The following CNKSR2 variants were observed in gnomAD, a reference collection of about 807,000 sequenced individuals.
The protein encoded by CNKSR2 is CNK homolog protein 2.
CNKSR2 carries 14 observed loss-of-function variants against 84.4 expected under a neutral mutation model. The ratio of observed to expected loss-of-function variants is 0.17; its 90% CI spans 0.11 to 0.26. The LOEUF (loss-of-function observed/expected upper bound fraction) is 0.26. Among genes scored for constraint, CNKSR2 ranks in the 10% least tolerant of loss-of-function variants. The pLI, the probability that CNKSR2 is intolerant of heterozygous loss-of-function variation, is 1.00. For synonymous variants in CNKSR2, 275 were observed against 277.9 expected (o/e 0.99, Z 0.10); for missense variants, 485 against 771.2 (o/e 0.63, Z 4.40).
intron 4 of CNKSR2, among the ~76,000 whole-genome samples, chrX:21,460,934 T>C (rs2091053052): frequency 1.8e-5 from 2 of 112,718 alleles, no homozygotes; most frequent in Admixed American, 9.4e-5. Flanking sequence ...TCCATTTATC[T>C]GTTGGTAGAC....
chrX:21,512,390 G>C (rs2091681835), intron 8 of CNKSR2, among the ~76,000 whole-genome samples: 1 of 111,827 alleles, frequency 8.9e-6, no homozygotes, highest in Non-Finnish European at 1.9e-5. Context: ...ACATGCTAAA[G>C]TTTGAGAACC....
chrX:21,380,693 C>T lies in CNKSR2; in HGVS notation c.64+5732C>T, dbSNP rs186448345. ...GAACTCCTGACCTCAAGTGATCCAC[C>T]TGCCTCGGCCTCCTAAAGTGTTGGG... On this transcript the variant is annotated intron_variant, in intron 1 of 21. Transcript: ENST00000379510. 1.3e-4 allele frequency among the ~76,000 whole-genome samples: 14 copies of T among 111,319 alleles called. No homozygotes were observed. In the East Asian group the frequency reaches 3.9e-3, roughly 31 times the overall value.
chrX:21,524,548 G>T (rs775112824), intron 9 of CNKSR2, among the ~76,000 whole-genome samples: 1 of 110,918 alleles, frequency 9.0e-6, no homozygotes, highest in Non-Finnish European at 1.9e-5. Flanking sequence ...AGTACCCTAG[G>T]TAGACAATTC....
At chrX:21,428,504 T>C (rs933802483) in intron 2 of CNKSR2, 2 of 111,967 alleles carry the variant, frequency 1.8e-5, no homozygotes, top group Non-Finnish European at 3.8e-5. Flanking sequence ...GTTTGCATCA[T>C]GTTATTCTAG....
chrX:21,508,161 C>G (rs911326335), intron 8 of CNKSR2, among the ~76,000 whole-genome samples: 3 of 111,522 alleles, frequency 2.7e-5, no homozygotes, highest in Non-Finnish European at 5.7e-5. Context: ...GACCACGTCT[C>G]TACAGAAAAT....
At chrX:21,491,281 G>C (rs1299730922) in intron 6 of CNKSR2, 1 of 111,683 alleles carries the variant, frequency 9.0e-6, no homozygotes, top group East Asian at 2.8e-4. Flanking sequence ...ACTGGCTAGA[G>C]AATATCTTAA....
intron 11 of CNKSR2, among the ~76,000 whole-genome samples, chrX:21,556,441 A>T (rs2092140725): frequency 9.0e-6 from 1 of 111,463 alleles, no homozygotes; most frequent in South Asian, 3.8e-4. Context: ...CTGACCTAGA[A>T]TGAGAGGCCA....
intron 17 of CNKSR2, among the ~76,000 whole-genome samples, chrX:21,597,836 A>G (rs984105835): frequency 1.8e-5 from 2 of 109,808 alleles, no homozygotes; most frequent in African/African-American, 6.6e-5. Context: ...TGATTATTTC[A>G]TAATTTTTTA....
chrX:21,625,839 A>G (rs1465838712), intron 20 of CNKSR2, among the ~76,000 whole-genome samples: 1 of 112,001 alleles, frequency 8.9e-6, no homozygotes, highest in Non-Finnish European at 1.9e-5. Flanking sequence ...AGCATTTTAC[A>G]TAGTTGTTTA....
intron 20 of CNKSR2, among the ~76,000 whole-genome samples, chrX:21,626,702 A>G (rs1375850307): frequency 1.8e-5 from 2 of 112,658 alleles, no homozygotes; most frequent in East Asian, 5.6e-4. Context: ...AGGTCTGCCA[A>G]GTAGCCCTGA....
At chrX:21,502,378 A>G (rs138181364) in intron 8 of CNKSR2, among the ~76,000 whole-genome samples, 1,216 of 108,278 alleles carry the variant, frequency 0.011, 16 homozygotes, top group African/African-American at 0.036. Flanking sequence ...AAAATAAAGT[A>G]TATTTGTTAT....
At chrX:21,468,333 A>G (rs1477332238) in intron 4 of CNKSR2, among the ~76,000 whole-genome samples, 2 of 111,444 alleles carry the variant, frequency 1.8e-5, no homozygotes, top group Non-Finnish European at 3.8e-5. Context: ...TTAAAATGTA[A>G]TATTAATATA....
chrX:21,576,360 G>A (rs2147220001), intron 13 of CNKSR2, among the ~76,000 whole-genome samples: 1 of 111,733 alleles, frequency 8.9e-6, no homozygotes, highest in South Asian at 3.7e-4. Flanking sequence ...AAATGAAGCT[G>A]AGTGAAAATA....
intron 9 of CNKSR2, among the ~76,000 whole-genome samples, chrX:21,526,009 A>G (rs1399591626): frequency 9.0e-6 from 1 of 111,149 alleles, no homozygotes; most frequent in African/African-American, 3.3e-5. Context: ...CCACTAGATT[A>G]TTTTCAAATG....
At chrX:21,415,667 A>C in intron 1 of CNKSR2, among the ~76,000 whole-genome samples, 1 of 100,634 alleles carries the variant, frequency 9.9e-6, no homozygotes, top group Non-Finnish European at 2.0e-5. Flanking sequence ...GGATAGCATT[A>C]GGAGATATAC....
intron 7 of CNKSR2, among the ~76,000 whole-genome samples, chrX:21,499,904 A>G (rs1219743796): frequency 9.0e-6 from 1 of 110,862 alleles, no homozygotes; most frequent in Non-Finnish European, 1.9e-5. Flanking sequence ...AATTTTATAT[A>G]CTATCATTTT....
chrX:21,617,788 A>G (rs1400260409), intron 20 of CNKSR2, among the ~76,000 whole-genome samples: 1 of 110,795 alleles, frequency 9.0e-6, no homozygotes, highest in East Asian at 2.8e-4. Context: ...CAATCCCAAA[A>G]TTTATTACTC....
At chrX:21,554,138 A>G (rs899934028) in intron 11 of CNKSR2, among the ~76,000 whole-genome samples, 14 of 112,027 alleles carry the variant, frequency 1.2e-4, no homozygotes, top group African/African-American at 4.5e-4. Context: ...TTGTGGTGGA[A>G]TACTTACAAA....
Position 21,374,588 on chromosome X carries a change from G to A in CNKSR2, c.-310G>A. 1 of 471,883 alleles carries A rather than the reference G, an allele frequency of 2.1e-6. No individual in the cohort carries two copies. The highest frequency in any genetic ancestry group is 3.7e-6 in the Non-Finnish European group (1 of 266,868). 38.9% of individuals were successfully genotyped at this position (471,883 alleles called of 1,213,427 possible). A position where few individuals can be genotyped will look rare whatever the true frequency, so the allele number is the denominator to read the frequency against. On this transcript the variant is annotated 5_prime_UTR_variant, in exon 1 of 22. Coordinates refer to ENST00000379510, the MANE Select transcript of CNKSR2 (RefSeq NM_014927.5). ...CTAGGGACGGAGACCGGAGCGGAGC[G>A]GCGGAGGCAGCAGCAGCAGCAGCAG...
Sources: gnomAD v4.1 joint callset for allele counts (sites outside exome capture counted in the v4.1 genomes callset) on GRCh38, gnomAD v4.1.1 for gene constraint, MANE v1.5 for transcripts, NCBI Gene and HGNC (gene_info 2026-07-23, HGNC 2026-07-21) for gene names.